Variants in SHISAL1 observed in about 807,000 individuals in gnomAD.
SHISAL1 encodes the protein protein shisa-like-1.
In SHISAL1, 9 loss-of-function variants were observed where a neutral mutation model predicts 22.6. That is an observed-to-expected ratio of 0.40 (90% CI 0.24 to 0.70). The LOEUF (loss-of-function observed/expected upper bound fraction) is 0.70. Ranked by LOEUF, SHISAL1 falls within the 30% of genes least tolerant of loss-of-function variation. The pLI is 0.39. For synonymous variants in SHISAL1, 119 were observed against 115.4 expected (o/e 1.03, Z -0.20); for missense variants, 246 against 270.6 (o/e 0.91, Z 0.64).
At chr22:44,290,545 C>CAAACAAAA (rs2055346160) in intron 3 of SHISAL1, among the ~76,000 whole-genome samples, 2 of 123,446 alleles carry the variant, frequency 1.6e-5, no homozygotes, top group African/African-American at 6.1e-5. Flanking sequence ...AAAAAAAAAA[C>CAAACAAAA]AAAAAACGGG....
At chr22:44,269,034 C>G (rs2055186009) in intron 4 of SHISAL1, among the ~76,000 whole-genome samples, 1 of 152,070 alleles carries the variant, frequency 6.6e-6, no homozygotes, top group Non-Finnish European at 1.5e-5. Context: ...CTGGCCTGTC[C>G]CTGATGCTGG....
At chr22:44,302,447 A>G (rs2055437792) in intron 1 of SHISAL1, among the ~76,000 whole-genome samples, 1 of 152,182 alleles carries the variant, frequency 6.6e-6, no homozygotes, top group African/African-American at 2.4e-5. Flanking sequence ...GAGGGAAAAT[A>G]AAACAAGGCG....
chr22:44,320,248 A>T, the SHISAL1 span, among the ~76,000 whole-genome samples: 1 of 152,184 alleles, frequency 6.6e-6, no homozygotes, highest in Non-Finnish European at 1.5e-5. Flanking sequence ...CTGTTGGAAC[A>T]CAAACGTCCG....
intron 3 of SHISAL1, among the ~76,000 whole-genome samples, chr22:44,295,920 A>G (rs1253344285): frequency 1.3e-5 from 2 of 152,236 alleles, no homozygotes; most frequent in South Asian, 2.1e-4. Context: ...CCCCTCCATC[A>G]GGCCCTGATC....
chr22:44,251,939 T>G (rs2055050433), intron 4 of SHISAL1, among the ~76,000 whole-genome samples: 1 of 125,586 alleles, frequency 8.0e-6, no homozygotes, highest in African/African-American at 3.4e-5. Flanking sequence ...TGTTATGTTA[T>G]GCGCACTTTA....
the SHISAL1 span, among the ~76,000 whole-genome samples, chr22:44,328,874 C>T: frequency 1.3e-5 from 2 of 152,154 alleles, no homozygotes; most frequent in South Asian, 2.1e-4. Flanking sequence ...TCCAGGTCTG[C>T]AGCCACCTCC....
At chr22:44,280,452 A>G (rs1569216136) in intron 4 of SHISAL1, among the ~76,000 whole-genome samples, 1 of 152,156 alleles carries the variant, frequency 6.6e-6, no homozygotes, top group Non-Finnish European at 1.5e-5. Flanking sequence ...CGTGGGAGTG[A>G]CAAGAGTCCA....
chr22:44,276,977 C>T (rs1231914521), intron 4 of SHISAL1, among the ~76,000 whole-genome samples: 3 of 152,202 alleles, frequency 2.0e-5, no homozygotes, highest in Non-Finnish European at 4.4e-5. Flanking sequence ...CCAGGGCTCC[C>T]CAGTTCCCCT....
intron 4 of SHISAL1, among the ~76,000 whole-genome samples, chr22:44,270,598 C>T (rs1478318916): frequency 5.9e-5 from 9 of 152,180 alleles, no homozygotes; most frequent in Admixed American, 5.2e-4. Flanking sequence ...AGGGCCAGCT[C>T]GCATGGAGGC....
chr22:44,245,330 A>C lies in SHISAL1; in HGVS notation c.*4355T>G, dbSNP rs527366574. 3.3e-5 allele frequency: 5 copies of C among 152,134 alleles called. No individual in the cohort carries two copies. The South Asian group carries it at 8.3e-4, about 25-fold the overall frequency. The allele number at this position is 152,134 out of a possible 1,614,324, so 9.4% of individuals were successfully genotyped here. On this transcript the variant is annotated 3_prime_UTR_variant, in exon 5 of 5. Transcript: ENST00000381176. ...TTCCTTCCTTCCTTCTTACCTACCTACCTAGACAGAGTCTCACTCTGTTGC... is the reference window on the plus strand; with the variant it reads ...TTCCTTCCTTCCTTCTTACCTACCTCCCTAGACAGAGTCTCACTCTGTTGC...
intron 1 of SHISAL1, among the ~76,000 whole-genome samples, chr22:44,309,266 AC>A (rs566383817): frequency 4.5e-4 from 69 of 152,360 alleles, no homozygotes; most frequent in African/African-American, 1.6e-3. Flanking sequence ...GGAGGCGGTC[AC>A]AGACAGTAGA....
chr22:44,306,944 G>A (rs1211639444), intron 1 of SHISAL1, among the ~76,000 whole-genome samples: 4 of 150,980 alleles, frequency 2.6e-5, no homozygotes, highest in East Asian at 2.0e-4. Context: ...CTCTGATGAC[G>A]ATGGCGTGTG....
At chr22:44,286,091 C>T (rs1490569314) in intron 3 of SHISAL1, among the ~76,000 whole-genome samples, 2 of 152,178 alleles carry the variant, frequency 1.3e-5, no homozygotes. Context: ...TCTTCCTTTA[C>T]CTGGTGCTGT....
At chr22:44,321,022 G>A in the SHISAL1 span, among the ~76,000 whole-genome samples, 4 of 152,150 alleles carry the variant, frequency 2.6e-5, no homozygotes, top group African/African-American at 9.7e-5. Flanking sequence ...GTGTCATCTC[G>A]GGCACTGACA....
chr22:44,259,777 G>T lies in SHISAL1; in HGVS notation c.*-10092C>A, dbSNP rs149288720. On this transcript the variant is annotated intron_variant, in intron 4 of 4. Transcript: ENST00000381176. ...CCACAATGTCAGAATTTCAGCTTAG[G>T]GGGGCTTGCAATCGAGCGTCCAATT... 1.6e-3 allele frequency among the ~76,000 whole-genome samples: 239 copies of T among 152,282 alleles called. 10 individuals are homozygous for T. In the East Asian group the frequency reaches 0.04, roughly 26 times the overall value.
intron 4 of SHISAL1, among the ~76,000 whole-genome samples, chr22:44,253,557 T>A (rs1338095431): frequency 6.6e-6 from 1 of 151,328 alleles, no homozygotes; most frequent in Non-Finnish European, 1.5e-5. Flanking sequence ...GCCTCCTGAG[T>A]AGCTGGGATA....
At position 44,255,619 on chromosome 22, in the gene SHISAL1, T is replaced by TGCGCTGGTCA. The variant is rs903002963; in HGVS notation, c.*-5944_*-5935dup. Among the ~76,000 whole-genome samples the TGCGCTGGTCA allele has an allele frequency of 9.8e-5, 15 of 152,350 alleles. 1 individual carries two copies. The highest frequency in any genetic ancestry group is 2.2e-4 in the African/African-American group (9 of 41,582). Reference sequence around the variant, plus strand: ...CTGGCAGGATTCTTGCAGTGGTGTCTGCGCTGGTCAGCGCTGGTCAGCCCC... The same window carrying TGCGCTGGTCA: ...CTGGCAGGATTCTTGCAGTGGTGTCTGCGCTGGTCAGCGCTGGTCAGCGCTGGTCAGCCCC... On this transcript the variant is annotated intron_variant, in intron 4 of 4. Coordinates refer to ENST00000381176, the MANE Select transcript of SHISAL1 (RefSeq NM_001099294.2).
upstream of SHISAL1, among the ~76,000 whole-genome samples, chr22:44,317,654 G>C (rs779826954): frequency 6.6e-6 from 1 of 152,156 alleles, no homozygotes; most frequent in African/African-American, 2.4e-5. Context: ...CATGGGGGCC[G>C]AACCCCCAGG....
intron 4 of SHISAL1, among the ~76,000 whole-genome samples, chr22:44,284,550 C>T (rs554920417): frequency 2.0e-5 from 3 of 152,282 alleles, no homozygotes; most frequent in Admixed American, 1.3e-4. Flanking sequence ...CCCTGGATGA[C>T]GTGCCCTGAG....
Sources: gnomAD v4.1 joint callset for allele counts (sites outside exome capture counted in the v4.1 genomes callset) on GRCh38, gnomAD v4.1.1 for gene constraint, MANE v1.5 for transcripts, NCBI Gene and HGNC (gene_info 2026-07-23, HGNC 2026-07-21) for gene names.